Variants in HSPA12A observed in about 807,000 individuals in gnomAD.
The protein encoded by HSPA12A is heat shock protein family A (Hsp70) member 12A.
A neutral mutation model predicts 69.2 loss-of-function variants in HSPA12A; 28 were observed. That is an observed-to-expected ratio of 0.40 (90% confidence interval 0.30 to 0.55). HSPA12A has a LOEUF of 0.55. Among genes scored for constraint, HSPA12A ranks in the 20% least tolerant of loss-of-function variants. HSPA12A has a pLI of 0.38. For synonymous variants in HSPA12A, 345 were observed against 370.5 expected (o/e 0.93, Z 0.79); for missense variants, 686 against 900.7 (o/e 0.76, Z 3.05).
intron 6 of HSPA12A, among the ~76,000 whole-genome samples, chr10:116,689,836 C>G (rs1554879944): frequency 1.3e-5 from 2 of 151,288 alleles, no homozygotes. Context: ...AGCTCAAAGG[C>G]AGTCATGCAG....
At chr10:116,683,634 G>C (rs1014551343) in intron 7 of HSPA12A, 157 bp downstream of exon 7, 19 of 595,640 alleles carry the variant, frequency 3.2e-5, no homozygotes, top group South Asian at 6.7e-5. Context: ...GGCCAGGTAG[G>C]GGGGCTGAGC....
At chr10:116,738,128 G>A (rs782573897) in intron 1 of HSPA12A, among the ~76,000 whole-genome samples, 12 of 152,072 alleles carry the variant, frequency 7.9e-5, no homozygotes, top group South Asian at 2.1e-4. Context: ...AGAGCATTTC[G>A]CCCCCACAAG....
At position 116,717,874 on chromosome 10, in the gene HSPA12A, G is replaced by A. The variant is rs574171793; in HGVS notation, c.41-10589C>T. Among the ~76,000 whole-genome samples the A allele has an allele frequency of 2.0e-5, 3 of 152,296 alleles. No homozygotes were observed. The South Asian group carries it at 6.2e-4, about 32-fold the overall frequency. ...CAAAGGGAACCTTCAGGAAAATTTA[G>A]TGATAGGAAACGTGAGGGCCGGTGC... On this transcript the variant is annotated intron_variant, in intron 1 of 11. Coordinates refer to ENST00000369209, the MANE Select transcript of HSPA12A (RefSeq NM_025015.3).
chr10:116,796,484 G>A (rs983754297), intron 2 of HSPA12A, among the ~76,000 whole-genome samples: 4 of 152,022 alleles, frequency 2.6e-5, no homozygotes, highest in South Asian at 2.1e-4. Context: ...TGGACCCCAC[G>A]CTGTCCCTGC....
intron 2 of HSPA12A, chr10:116,831,990 GT>G (rs1564834512): frequency 1.3e-5 from 2 of 152,286 alleles, no homozygotes; most frequent in East Asian, 3.9e-4. Flanking sequence ...CAAGATAGGC[GT>G]CAGAACCAGA....
chr10:116,685,564 G>A (rs1039496108), intron 6 of HSPA12A, among the ~76,000 whole-genome samples: 5 of 151,716 alleles, frequency 3.3e-5, no homozygotes, highest in Admixed American at 6.6e-5. Context: ...GAACTTGGGA[G>A]GTGGAGGTTG....
At chr10:116,720,314 C>T (rs1850735836) in intron 1 of HSPA12A, among the ~76,000 whole-genome samples, 1 of 152,204 alleles carries the variant, frequency 6.6e-6, no homozygotes, top group Non-Finnish European at 1.5e-5. Context: ...CAACTTTCTC[C>T]CAGGACCCAT....
At chr10:116,696,267 T>C (rs1406794065) in intron 5 of HSPA12A, among the ~76,000 whole-genome samples, 2 of 152,186 alleles carry the variant, frequency 1.3e-5, no homozygotes, top group African/African-American at 4.8e-5. Context: ...ACACTTGATA[T>C]GGTGTGGCTG....
rs1844853634 is a variant in HSPA12A at position 116,797,454 on chromosome 10, G to C, written c.91+37481C>G. Among the ~76,000 whole-genome samples the C allele has an allele frequency of 3.9e-5, 6 of 152,256 alleles. No homozygotes were observed. The South Asian group carries it at 1.2e-3, about 32-fold the overall frequency. Reference sequence around the variant, plus strand: ...CCCGCTTACTCCAGGAGCCTCACAGGGCTGTTCGTGTGGATGTGTGTGCAT... The same window carrying C: ...CCCGCTTACTCCAGGAGCCTCACAGCGCTGTTCGTGTGGATGTGTGTGCAT... On this transcript the variant is annotated intron_variant, in intron 2 of 12. Coordinates refer to the HSPA12A transcript ENST00000635765.
intron 2 of HSPA12A, among the ~76,000 whole-genome samples, chr10:116,809,462 A>G (rs962647232): frequency 6.6e-6 from 1 of 152,190 alleles, no homozygotes; most frequent in African/African-American, 2.4e-5. Flanking sequence ...CCTTGTTTCT[A>G]AAAAGAGGGC....
At chr10:116,804,944 T>C (rs1316129178) in intron 2 of HSPA12A, among the ~76,000 whole-genome samples, 1 of 152,216 alleles carries the variant, frequency 6.6e-6, no homozygotes, top group Non-Finnish European at 1.5e-5. Context: ...GCACGTCCTG[T>C]GGGAAGGCAC....
intron 1 of HSPA12A, among the ~76,000 whole-genome samples, chr10:116,721,607 G>C (rs1339422547): frequency 6.6e-6 from 1 of 152,152 alleles, no homozygotes; most frequent in East Asian, 1.9e-4. Flanking sequence ...ACCCGGGTGT[G>C]CGTGACTATA....
intron 2 of HSPA12A, among the ~76,000 whole-genome samples, chr10:116,801,383 G>C (rs1844951541): frequency 6.6e-6 from 1 of 152,192 alleles, no homozygotes; most frequent in African/African-American, 2.4e-5. Flanking sequence ...CAAACTGAAA[G>C]CTCACCTTTG....
Position 116,674,865 on chromosome 10 carries a change from G to T in HSPA12A, c.1944C>A (p.Phe648Leu). The T allele has an allele frequency of 6.2e-7, 1 of 1,613,548 alleles. No homozygotes were observed. Residue 648 changes from phenylalanine to leucine, a missense_variant, in exon 12 of 12, where the codon TTC becomes TTA. Phe to Leu is a conservative substitution (Grantham distance 22, BLOSUM62 0). Coordinates refer to ENST00000369209, the MANE Select transcript of HSPA12A (RefSeq NM_025015.3). Reference protein sequence around the residue: ...ARREIQTLMQFGDTEIKATAI... With the variant: ...ARREIQTLMQLGDTEIKATAI... The stretch of plus-strand genomic sequence containing the variant: ...CTGTGGCTTTGATCTCGGTGTCCCC[G>T]AACTGCATAAGGGTCTGGATCTCCC...
upstream of HSPA12A, chr10:116,850,047 C>G (rs1190116128): frequency 3.9e-6 from 2 of 506,508 alleles, no homozygotes; most frequent in Non-Finnish European, 7.2e-6. Flanking sequence ...GTTTGTGGGC[C>G]GGCCCACCGC....
At chr10:116,745,086 C>T (rs1048214057), upstream of HSPA12A, among the ~76,000 whole-genome samples, 2 of 152,312 alleles carry the variant, frequency 1.3e-5, no homozygotes, top group Non-Finnish European at 2.9e-5. Flanking sequence ...GAATCAATCA[C>T]GTGGCTTGCT....
intron 2 of HSPA12A, among the ~76,000 whole-genome samples, chr10:116,806,478 A>ATT (rs1845070365): frequency 6.6e-6 from 1 of 152,154 alleles, no homozygotes; most frequent in African/African-American, 2.4e-5. Flanking sequence ...AAGTGCTGGG[A>ATT]TTACAGGCAT....
chr10:116,705,986 C>A (rs908263927), intron 2 of HSPA12A, among the ~76,000 whole-genome samples: 4 of 150,734 alleles, frequency 2.7e-5, no homozygotes, highest in Non-Finnish European at 5.9e-5. Context: ...AGCTCTGCCT[C>A]CCGGGTTCAC....
chr10:116,844,909 T>C (rs759508617), intron 1 of HSPA12A, among the ~76,000 whole-genome samples: 1 of 152,222 alleles, frequency 6.6e-6, no homozygotes, highest in Admixed American at 6.5e-5. Flanking sequence ...ATATCTGACA[T>C]AGCTTAGAAA....
Sources: allele counts gnomAD v4.1 joint callset (sites outside exome capture counted in the v4.1 genomes callset), GRCh38; gene constraint gnomAD v4.1.1; transcripts MANE v1.5; gene names NCBI Gene and HGNC (gene_info 2026-07-23, HGNC 2026-07-21).